Variants in SORCS2 observed in about 807,000 individuals in gnomAD.
The protein encoded by SORCS2 is VPS10 domain-containing receptor SorCS2.
A neutral mutation model predicts 141.6 loss-of-function variants in SORCS2; 100 were observed. The observed-to-expected ratio is 0.71, with a 90% CI of 0.60 to 0.83. The LOEUF is 0.83. SORCS2 is among the 40% of genes least tolerant of loss of function. The probability of loss-of-function intolerance (pLI) is 0.00; values close to 1 mark genes in which losing one functional copy is unlikely to be tolerated. For synonymous variants in SORCS2, 789 were observed against 676.9 expected, an observed-to-expected ratio of 1.17 and a Z score of -2.57; for missense variants, 1,646 against 1,560.2, an observed-to-expected ratio of 1.05 and a Z score of -0.93.
chr4:7,294,600 C>A (rs1342864737), intron 1 of SORCS2, among the ~76,000 whole-genome samples: 2 of 151,370 alleles, frequency 1.3e-5, no homozygotes, highest in Admixed American at 1.3e-4. Flanking sequence ...GTCCTCTGGG[C>A]CCAGCCAGTA....
intron 1 of SORCS2, among the ~76,000 whole-genome samples, chr4:7,380,942 T>G (rs539566564): frequency 2.0e-5 from 3 of 151,980 alleles, no homozygotes; most frequent in East Asian, 1.9e-4. Context: ...ATTAGCTGGG[T>G]GTGGTGGCAG....
chr4:7,623,051 C>T (rs941405664), intron 3 of SORCS2, among the ~76,000 whole-genome samples: 18 of 152,154 alleles, frequency 1.2e-4, no homozygotes, highest in Middle Eastern at 3.4e-3. Flanking sequence ...GGACAGAAGA[C>T]GGTGCTACCT....
chr4:7,682,047 C>G (rs1243968084), intron 9 of SORCS2, among the ~76,000 whole-genome samples: 1 of 152,208 alleles, frequency 6.6e-6, no homozygotes, highest in Non-Finnish European at 1.5e-5. Context: ...TCTCTGGGAG[C>G]AAACCACTCG....
intron 10 of SORCS2, among the ~76,000 whole-genome samples, chr4:7,683,873 C>T (rs1416402987): frequency 6.6e-6 from 1 of 152,220 alleles, no homozygotes; most frequent in African/African-American, 2.4e-5. Flanking sequence ...CTTGCCCGCT[C>T]TCATGTGGCT....
intron 13 of SORCS2, 56 bp downstream of exon 13, chr4:7,703,427 C>T: frequency 6.9e-7 from 1 of 1,439,600 alleles, no homozygotes; most frequent in Non-Finnish European, 9.5e-7. Flanking sequence ...TCTTTCTTTC[C>T]ACCTGGGAAC....
At chr4:7,518,671 T>G (rs1733137732) in intron 2 of SORCS2, among the ~76,000 whole-genome samples, 1 of 152,142 alleles carries the variant, frequency 6.6e-6, no homozygotes, top group Non-Finnish European at 1.5e-5. Context: ...CCCTGGTCCA[T>G]TCACAGGAGG....
chr4:7,693,784 C>T (rs1318712670), intron 11 of SORCS2, among the ~76,000 whole-genome samples: 1 of 152,250 alleles, frequency 6.6e-6, no homozygotes, highest in Admixed American at 6.5e-5. Context: ...CCCTCCCTAG[C>T]ACAGTCCCTT....
At chr4:7,516,355 G>C (rs1434995394) in intron 2 of SORCS2, among the ~76,000 whole-genome samples, 1 of 152,132 alleles carries the variant, frequency 6.6e-6, no homozygotes, top group South Asian at 2.1e-4. Flanking sequence ...TCTCCTCTCT[G>C]AACCTCCCTT....
Position 7,664,590 on chromosome 4 carries a change from A to C in SORCS2, c.1071+119A>C. On this transcript the variant is annotated intron_variant, in intron 7 of 26. Coordinates refer to ENST00000507866, the MANE Select transcript of SORCS2 (RefSeq NM_020777.3). The surrounding 1 kb of genome is among the most constrained non-coding windows in gnomAD (Gnocchi z 4.7). ...AATAAAACGGGTATTTCACTCTCAA[A>C]TGCTACTTCGCAGGTCACGGTTTCT... 1.5e-6 allele frequency: 1 copy of C among 687,840 alleles called. No individual in the cohort carries two copies. Among genetic ancestry groups the C allele is most frequent in the Non-Finnish European group, 2.4e-6 (1 of 408,984 alleles). 42.6% of individuals were successfully genotyped at this position (687,840 alleles called of 1,614,324 possible). A position where few individuals can be genotyped will look rare whatever the true frequency, so the allele number is the denominator to read the frequency against.
chr4:7,647,673 T>A (rs1721167164), intron 4 of SORCS2, among the ~76,000 whole-genome samples: 1 of 152,166 alleles, frequency 6.6e-6, no homozygotes. Flanking sequence ...AAGATCCAGT[T>A]CTGATATGGA....
chr4:7,285,064 C>T (rs892625345), intron 1 of SORCS2, among the ~76,000 whole-genome samples: 3 of 148,988 alleles, frequency 2.0e-5, no homozygotes, highest in African/African-American at 7.4e-5. Flanking sequence ...TGGAGTTTCA[C>T]TCTTGTTGCC....
chr4:7,296,560 AC>A (rs1216031043), intron 1 of SORCS2, among the ~76,000 whole-genome samples: 3 of 152,024 alleles, frequency 2.0e-5, no homozygotes, highest in African/African-American at 7.3e-5. Context: ...GGTTGAGGCC[AC>A]TCGCTCCTGC....
intron 1 of SORCS2, among the ~76,000 whole-genome samples, chr4:7,372,035 G>A (rs1249083754): frequency 1.3e-5 from 2 of 152,170 alleles, no homozygotes; most frequent in Non-Finnish European, 2.9e-5. Flanking sequence ...TGGGCGACTT[G>A]TGTGGACAGG....
chr4:7,733,750 T>G (rs1374919339), intron 24 of SORCS2, among the ~76,000 whole-genome samples: 1 of 152,256 alleles, frequency 6.6e-6, no homozygotes, highest in African/African-American at 2.4e-5. Flanking sequence ...CGATGAGTTT[T>G]GCTCTGCTCT....
intron 1 of SORCS2, among the ~76,000 whole-genome samples, chr4:7,385,795 G>C (rs1723258787): frequency 6.6e-6 from 1 of 152,210 alleles, no homozygotes; most frequent in Admixed American, 6.5e-5. Flanking sequence ...GCAGGGCACT[G>C]CCAAGCCAGC....
chr4:7,712,410 C>G (rs1725878702), intron 14 of SORCS2, among the ~76,000 whole-genome samples: 1 of 152,236 alleles, frequency 6.6e-6, no homozygotes, highest in African/African-American at 2.4e-5. Context: ...GCTCCCAACT[C>G]TGCTGTGGAT....
At chr4:7,424,613 G>A (rs771757617) in intron 2 of SORCS2, among the ~76,000 whole-genome samples, 1 of 152,130 alleles carries the variant, frequency 6.6e-6, no homozygotes, top group African/African-American at 2.4e-5. Context: ...TGGCAGGAGC[G>A]CCCCCCTCTG....
At chr4:7,516,546 C>T (rs1431491242) in intron 2 of SORCS2, among the ~76,000 whole-genome samples, 1 of 152,038 alleles carries the variant, frequency 6.6e-6, no homozygotes, top group Non-Finnish European at 1.5e-5. Flanking sequence ...TTGCAAAACA[C>T]AGTTCCATGT....
intron 2 of SORCS2, among the ~76,000 whole-genome samples, chr4:7,455,108 AG>A (rs1560298854): frequency 1.2e-4 from 8 of 67,654 alleles, no homozygotes; most frequent in East Asian, 1.0e-3. Context: ...TGTTGGGGTC[AG>A]GAGCTGTGTG....
Sources: allele counts gnomAD v4.1 joint callset (sites outside exome capture counted in the v4.1 genomes callset), GRCh38; gene constraint gnomAD v4.1.1; non-coding constraint Gnocchi (gnomAD v3.1); transcripts MANE v1.5; gene names NCBI Gene and HGNC (gene_info 2026-07-23, HGNC 2026-07-21).